PCNX2: variants seen among roughly 807,000 people sequenced by gnomAD.
PCNX2 encodes pecanex 2.
PCNX2 carries 168 observed loss-of-function variants against 223.8 expected under a neutral mutation model. That is an observed-to-expected ratio of 0.75 (90% CI 0.66 to 0.85). The LOEUF (loss-of-function observed/expected upper bound fraction) is 0.85, where lower values mean the gene tolerates loss of function less well. Among genes scored for constraint, PCNX2 ranks in the 40% least tolerant of loss-of-function variants. The pLI, the probability that PCNX2 is intolerant of heterozygous loss-of-function variation, is 0.00. For missense variants in PCNX2, 2,507 were observed against 2,675.5 expected (o/e 0.94, Z 1.39); for synonymous variants, 1,006 against 1,052.6 (o/e 0.96, Z 0.86).
intron 23 of PCNX2, chr1:233,058,650 TTTTTCTTTTC>T (rs1271454264): frequency 3.3e-5 from 5 of 149,744 alleles, no homozygotes; most frequent in African/African-American, 1.3e-4. Flanking sequence ...CTGCTTTTTC[TTTTTCTTTTC>T]TTTTCTTTTT....
chr1:233,196,512 C>T (rs1190009285), intron 15 of PCNX2, among the ~76,000 whole-genome samples: 2 of 151,840 alleles, frequency 1.3e-5, no homozygotes, highest in Admixed American at 6.6e-5. Context: ...ACTCTTATGT[C>T]TCAATAATAT....
intron 32 of PCNX2, among the ~76,000 whole-genome samples, chr1:232,996,265 C>A (rs1460799863): frequency 2.0e-5 from 3 of 152,170 alleles, no homozygotes; most frequent in Admixed American, 1.3e-4. Flanking sequence ...GCAGCCACAC[C>A]CCCCTGACTC....
intron 30 of PCNX2, 117 bp from the exon 31 acceptor site, chr1:232,999,496 C>T: frequency 1.6e-6 from 2 of 1,222,650 alleles, no homozygotes; most frequent in East Asian, 2.6e-5. Flanking sequence ...TCTTGTTGCC[C>T]AGGCTGGAGT....
intron 8 of PCNX2, among the ~76,000 whole-genome samples, chr1:233,242,090 T>C (rs1228741470): frequency 6.6e-6 from 1 of 152,192 alleles, no homozygotes; most frequent in Non-Finnish European, 1.5e-5. Context: ...GTAAGAACTC[T>C]GAGGAGGTAG....
chr1:233,307,229 A>G, the PCNX2 span, among the ~76,000 whole-genome samples: 1 of 152,192 alleles, frequency 6.6e-6, no homozygotes, highest in Non-Finnish European at 1.5e-5. Context: ...CTCATGTTGA[A>G]ATCTGATCCC....
chr1:233,009,179 A>T (rs1465504665), intron 28 of PCNX2, among the ~76,000 whole-genome samples: 1 of 152,190 alleles, frequency 6.6e-6, no homozygotes, highest in Non-Finnish European at 1.5e-5. Flanking sequence ...GCCTTCAGAG[A>T]AGACGAAATG....
chr1:233,228,739 T>C (rs1657887241), intron 9 of PCNX2, among the ~76,000 whole-genome samples: 1 of 152,240 alleles, frequency 6.6e-6, no homozygotes, highest in Non-Finnish European at 1.5e-5. Flanking sequence ...TTCCACCCTT[T>C]GGCTTTTGTG....
chr1:233,296,600 G>C (rs1294903812), upstream of PCNX2, among the ~76,000 whole-genome samples: 1 of 152,174 alleles, frequency 6.6e-6, no homozygotes, highest in Non-Finnish European at 1.5e-5. Flanking sequence ...AGATAAAAAG[G>C]AGCTTGTCTT....
intron 1 of PCNX2, among the ~76,000 whole-genome samples, chr1:233,271,930 T>C (rs1660659333): frequency 6.6e-6 from 1 of 152,204 alleles, no homozygotes; most frequent in South Asian, 2.1e-4. Context: ...TTTGTTCTTT[T>C]TGCTTAGTCT....
intron 25 of PCNX2, among the ~76,000 whole-genome samples, chr1:233,044,636 A>G (rs1671762968): frequency 6.6e-6 from 1 of 152,126 alleles, no homozygotes; most frequent in Admixed American, 6.6e-5. Flanking sequence ...CCAAAAGAAT[A>G]GAATAGAAAA....
intron 12 of PCNX2, among the ~76,000 whole-genome samples, chr1:233,210,116 G>A (rs1014421771): frequency 6.6e-6 from 1 of 151,974 alleles, no homozygotes; most frequent in Admixed American, 6.6e-5. Context: ...AACTTTACTG[G>A]GCATGGGAAG....
chr1:233,025,145 C>T lies in PCNX2; in HGVS notation c.4605+1G>A. On this transcript the variant is annotated splice_donor_variant, in intron 26 of 33. Coordinates refer to ENST00000258229, the MANE Select transcript of PCNX2 (RefSeq NM_014801.4). LOFTEE classifies it high-confidence loss of function. Reference sequence around the variant, plus strand: ...TAGGTGTTTGGGAAACAGAGCAATACCTTGATGTAGTAGCGGATGAGGATC... The same window carrying T: ...TAGGTGTTTGGGAAACAGAGCAATATCTTGATGTAGTAGCGGATGAGGATC... 2 of 1,613,962 alleles carry T rather than the reference C, an allele frequency of 1.2e-6. No homozygotes were observed. Among genetic ancestry groups the T allele is most frequent in the Middle Eastern group, 1.6e-4 (1 of 6,062 alleles).
Position 233,057,234 on chromosome 1 carries a change from G to C in PCNX2, c.4133C>G (p.Pro1378Arg), listed in dbSNP as rs771594041. The change falls in exon 24 of 34, where the codon CCA (proline) becomes CGA (arginine). Residue 1378 changes from proline to arginine, a missense_variant and splice_region_variant. This residue lies in a region of PCNX2 where 1,372 missense variants were observed against 1,509.4 expected (regional missense o/e 0.91). Coordinates refer to ENST00000258229, the MANE Select transcript of PCNX2 (RefSeq NM_014801.4). Reference protein sequence around the residue: ...TRLAVQIERDPGNDDNNLNSI... With the variant: ...TRLAVQIERDRGNDDNNLNSI... ...AAAGAGAGAAGAGATCTTCTTACCT[G>C]GATCTCTTTCAATTTGGACTGCCAG... 3.1e-6 allele frequency: 5 copies of C among 1,598,684 alleles called. No homozygotes were observed. The Admixed American group carries it at 8.4e-5, about 27-fold the overall frequency.
intron 10 of PCNX2, among the ~76,000 whole-genome samples, chr1:233,226,315 G>A (rs1657716532): frequency 6.6e-6 from 1 of 152,128 alleles, no homozygotes. Flanking sequence ...TGTTGTGCAG[G>A]CTGGAGTGCA....
In PCNX2 at chr1:233,038,325, T is replaced by G. The variant is rs548689330; in HGVS notation, c.4352-12926A>C. Among the ~76,000 whole-genome samples, 7 of 152,296 alleles carry G rather than the reference T, an allele frequency of 4.6e-5. No homozygotes were observed. The South Asian group carries it at 1.5e-3, about 32-fold the overall frequency. On this transcript the variant is annotated intron_variant, in intron 25 of 33. Coordinates refer to ENST00000258229, the MANE Select transcript of PCNX2 (RefSeq NM_014801.4). ...CTGCCCCGTTTAAAGATGTGAAAAC[T>G]AATGCACTCAACTCTACTCAGAAGA...
At chr1:233,032,973 C>T (rs1170267532) in intron 25 of PCNX2, 4 of 984,424 alleles carry the variant, frequency 4.1e-6, no homozygotes, top group African/African-American at 1.7e-5. Context: ...GCACTAATTG[C>T]GTTGTCCAAA....
At chr1:233,140,689 G>A (rs1358034101) in intron 19 of PCNX2, among the ~76,000 whole-genome samples, 1 of 152,190 alleles carries the variant, frequency 6.6e-6, no homozygotes, top group Non-Finnish European at 1.5e-5. Flanking sequence ...GGAGCAGCTG[G>A]CGTGAGTGGT....
chr1:233,095,996 C>G, intron 21 of PCNX2, 133 bp from the exon 22 acceptor site: 1 of 632,502 alleles, frequency 1.6e-6, no homozygotes, highest in Non-Finnish European at 2.8e-6. Flanking sequence ...TTACTGTGAT[C>G]TTCCTGCATC....
chr1:233,252,839 A>C, intron 5 of PCNX2, 51 bp from the exon 6 acceptor site: 1 of 1,472,624 alleles, frequency 6.8e-7, no homozygotes, highest in Non-Finnish European at 9.0e-7. Flanking sequence ...AATCAATGTG[A>C]AAACTCTGGG....
Sources: gnomAD v4.1 joint callset for allele counts (sites outside exome capture counted in the v4.1 genomes callset) on GRCh38, gnomAD v4.1.1 for gene constraint, gnomAD v4.1.1 regional missense constraint, MANE v1.5 for transcripts, NCBI Gene and HGNC (gene_info 2026-07-23, HGNC 2026-07-21) for gene names.